The following PTPRT variants were observed in gnomAD, a reference collection of about 807,000 sequenced individuals.
PTPRT encodes receptor-type tyrosine-protein phosphatase T.
PTPRT carries 56 observed loss-of-function variants against 176.8 expected under a neutral mutation model. The observed-to-expected ratio is 0.32, with a 90% confidence interval of 0.26 to 0.40. The LOEUF (loss-of-function observed/expected upper bound fraction) is 0.40. Among genes scored for constraint, PTPRT ranks in the 10% least tolerant of loss-of-function variants. The probability of loss-of-function intolerance (pLI) is 1.00; values close to 1 mark genes in which losing one functional copy is unlikely to be tolerated. For synonymous variants in PTPRT, 783 were observed against 739.0 expected (o/e 1.06, Z -0.96); for missense variants, 1,540 against 1,908.2 (o/e 0.81, Z 3.60).
intron 1 of PTPRT, among the ~76,000 whole-genome samples, chr20:43,158,768 G>C (rs1480906281): frequency 1.3e-5 from 2 of 152,152 alleles, no homozygotes; most frequent in Non-Finnish European, 2.9e-5. Flanking sequence ...AGTGAACATG[G>C]AGTCAGAAAA....
chr20:42,693,030 G>C (rs544904577), intron 6 of PTPRT, among the ~76,000 whole-genome samples: 1 of 152,114 alleles, frequency 6.6e-6, no homozygotes, highest in Non-Finnish European at 1.5e-5. Flanking sequence ...TAAGGTTAAC[G>C]CACTTTATGT....
At chr20:42,662,776 G>A (rs895273015) in intron 7 of PTPRT, among the ~76,000 whole-genome samples, 2 of 151,956 alleles carry the variant, frequency 1.3e-5, no homozygotes, top group Non-Finnish European at 2.9e-5. Flanking sequence ...TGCATCTCAG[G>A]GCTTAGCAAA....
At chr20:43,042,437 A>AGCG (rs1986645879) in intron 1 of PTPRT, among the ~76,000 whole-genome samples, 1 of 152,132 alleles carries the variant, frequency 6.6e-6, no homozygotes, top group African/African-American at 2.4e-5. Context: ...TGGCTTGAAA[A>AGCG]TGAAAAATGG....
intron 1 of PTPRT, among the ~76,000 whole-genome samples, chr20:43,122,335 T>G (rs1205569470): frequency 6.6e-6 from 1 of 152,234 alleles, no homozygotes; most frequent in East Asian, 1.9e-4. Context: ...GTCCTCTGTC[T>G]GGCACACAGA....
chr20:43,104,283 A>G (rs2012509697), intron 1 of PTPRT, among the ~76,000 whole-genome samples: 1 of 152,098 alleles, frequency 6.6e-6, no homozygotes, highest in South Asian at 2.1e-4. Flanking sequence ...ACCATGTTCA[A>G]ATGGAACCCA....
In PTPRT at chr20:42,320,967, G is replaced by A. The variant is rs1409529495; in HGVS notation, c.1866-4971C>T. On this transcript the variant is annotated intron_variant, in intron 11 of 30. Coordinates refer to ENST00000373187, the MANE Select transcript of PTPRT (RefSeq NM_007050.6). ...TCAAAGCACATGGAAGCTGGGAGAC[G>A]GACACACAGCAGAAAAGGGGAGGTG... 3.9e-5 allele frequency among the ~76,000 whole-genome samples: 6 copies of A among 152,170 alleles called. No homozygotes were observed. The East Asian group carries it at 1.2e-3, about 29-fold the overall frequency.
intron 14 of PTPRT, among the ~76,000 whole-genome samples, chr20:42,241,417 G>A (rs965862776): frequency 6.6e-6 from 1 of 152,168 alleles, no homozygotes; most frequent in Admixed American, 6.5e-5. Context: ...AAGAGTTTAA[G>A]CAGCTTGGTC....
At chr20:42,346,836 C>A (rs1429758180) in intron 11 of PTPRT, among the ~76,000 whole-genome samples, 1 of 152,186 alleles carries the variant, frequency 6.6e-6, no homozygotes, top group Non-Finnish European at 1.5e-5. Flanking sequence ...ACACACAGCT[C>A]CACTCAAAGA....
At chr20:42,800,072 A>T (rs1368756812) in intron 2 of PTPRT, among the ~76,000 whole-genome samples, 1 of 152,210 alleles carries the variant, frequency 6.6e-6, no homozygotes, top group East Asian at 1.9e-4. Flanking sequence ...AACAGCCAAC[A>T]CATACCATCA....
chr20:42,768,588 T>C lies in PTPRT; in HGVS notation c.684+2847A>G, dbSNP rs538234905. The stretch of plus-strand genomic sequence containing the variant: ...AAGTTTCCTTTATTCCACTAGTGGC[T>C]ACAAAGCTGCGGGCTCTGTGTGTGA... On this transcript the variant is annotated intron_variant, in intron 5 of 30. Transcript: ENST00000373187. Among the ~76,000 whole-genome samples the C allele has an allele frequency of 1.0e-3, 154 of 152,324 alleles. 1 individual carries two copies. Among genetic ancestry groups the C allele is most frequent in the African/African-American group, 1.9e-3 (81 of 41,586 alleles).
chr20:42,525,061 C>T (rs2072244297), intron 7 of PTPRT, among the ~76,000 whole-genome samples: 1 of 152,140 alleles, frequency 6.6e-6, no homozygotes, highest in African/African-American at 2.4e-5. Flanking sequence ...GATTACTGAT[C>T]ACCGCAGCCT....
chr20:42,098,050 G>A (rs189701513), intron 27 of PTPRT, among the ~76,000 whole-genome samples: 6 of 152,300 alleles, frequency 3.9e-5, no homozygotes, highest in East Asian at 1.9e-4. Context: ...GAGTGTGGCC[G>A]GGCATCTGGG....
At chr20:42,997,123 A>G (rs1984264720) in intron 1 of PTPRT, among the ~76,000 whole-genome samples, 1 of 152,136 alleles carries the variant, frequency 6.6e-6, no homozygotes, top group African/African-American at 2.4e-5. Flanking sequence ...TCTATCTCAG[A>G]AGAGTTTTAG....
chr20:42,509,020 T>C (rs1365754645), intron 7 of PTPRT, among the ~76,000 whole-genome samples: 1 of 93,438 alleles, frequency 1.1e-5, no homozygotes. Context: ...TAATTTATAT[T>C]TAATTTATAG....
chr20:42,582,889 C>T (rs576256789), intron 7 of PTPRT, among the ~76,000 whole-genome samples: 19 of 152,224 alleles, frequency 1.2e-4, no homozygotes, highest in East Asian at 9.7e-4. Context: ...TCGTTCATTT[C>T]GTTCATCCAG....
chr20:42,039,714 T>C, the PTPRT span, among the ~76,000 whole-genome samples: 1,023 of 75,948 alleles, frequency 0.013, 36 homozygotes, highest in African/African-American at 0.036. Context: ...TAATGTATAT[T>C]CCATATATTC....
chr20:42,593,100 C>A (rs2073608661), intron 7 of PTPRT, among the ~76,000 whole-genome samples: 1 of 152,188 alleles, frequency 6.6e-6, no homozygotes, highest in Non-Finnish European at 1.5e-5. Context: ...GAGGCAAAAA[C>A]CGAATTGTAG....
intron 2 of PTPRT, among the ~76,000 whole-genome samples, chr20:42,833,822 G>A (rs1175681093): frequency 6.6e-6 from 1 of 152,120 alleles, no homozygotes; most frequent in Non-Finnish European, 1.5e-5. Flanking sequence ...ACGGAGCGGG[G>A]GGAAGAAAGG....
intron 6 of PTPRT, among the ~76,000 whole-genome samples, chr20:42,679,088 C>T (rs2075558109): frequency 1.3e-5 from 2 of 152,192 alleles, no homozygotes; most frequent in African/African-American, 4.8e-5. Context: ...CTACTCTGTG[C>T]TGCCACCTCT....
Sources: allele counts gnomAD v4.1 joint callset (sites outside exome capture counted in the v4.1 genomes callset), GRCh38; gene constraint gnomAD v4.1.1; transcripts MANE v1.5; gene names NCBI Gene and HGNC (gene_info 2026-07-23, HGNC 2026-07-21).